Variants in ALCAM observed in about 807,000 individuals in gnomAD.
ALCAM encodes activated leukocyte cell adhesion molecule.
In ALCAM, 30 loss-of-function variants were observed where a neutral mutation model predicts 70.9. The observed-to-expected ratio is 0.42, with a 90% CI of 0.32 to 0.57. ALCAM has a LOEUF of 0.57. ALCAM is among the 20% of genes least tolerant of loss of function. The probability of loss-of-function intolerance (pLI) is 0.11; values close to 1 mark genes in which losing one functional copy is unlikely to be tolerated. For synonymous variants in ALCAM, 249 were observed against 242.5 expected (o/e 1.03, Z -0.25); for missense variants, 591 against 695.1 (o/e 0.85, Z 1.68).
In ALCAM at chr3:105,367,377, C is replaced by A. The variant is rs749904529; in HGVS notation, c.-32C>A. ...GACGCCCCCTCCTGCGGCGTGGACT[C>A]CGTCAGTGGCCCACCAAGAAGGAGG... On this transcript the variant is annotated 5_prime_UTR_variant, in exon 1 of 16. Coordinates refer to ENST00000306107, the MANE Select transcript of ALCAM (RefSeq NM_001627.4). The A allele has an allele frequency of 1.2e-6, 2 of 1,611,612 alleles. No homozygotes were observed. The highest frequency in any genetic ancestry group is 1.7e-6 in the Non-Finnish European group (2 of 1,178,256).
chr3:105,435,616 G>C (rs1937032242), intron 1 of ALCAM, among the ~76,000 whole-genome samples: 1 of 152,040 alleles, frequency 6.6e-6, no homozygotes, highest in Admixed American at 6.6e-5. Context: ...AAATTTATTG[G>C]GTCACATAAA....
intron 1 of ALCAM, among the ~76,000 whole-genome samples, chr3:105,383,181 A>T (rs1055320072): frequency 6.6e-6 from 1 of 151,620 alleles, no homozygotes; most frequent in Non-Finnish European, 1.5e-5. Flanking sequence ...TTCTTCCCTG[A>T]TCTCTCTAAG....
chr3:105,434,359 A>C (rs921052654), intron 1 of ALCAM, among the ~76,000 whole-genome samples: 1 of 152,132 alleles, frequency 6.6e-6, no homozygotes, highest in Admixed American at 6.5e-5. Flanking sequence ...ATAAGATTTC[A>C]TCCTGACTAA....
At chr3:105,465,986 T>C (rs1937720005) in intron 1 of ALCAM, among the ~76,000 whole-genome samples, 1 of 151,500 alleles carries the variant, frequency 6.6e-6, no homozygotes, top group Admixed American at 6.6e-5. Context: ...GGTTTCTAAA[T>C]TGTCATCTAC....
At chr3:105,464,150 A>G (rs964243428) in intron 1 of ALCAM, among the ~76,000 whole-genome samples, 7 of 151,348 alleles carry the variant, frequency 4.6e-5, no homozygotes, top group African/African-American at 1.7e-4. Flanking sequence ...GTCCGACTAT[A>G]TTATTAGATA....
At chr3:105,539,077 A>G (rs1009096452) in intron 6 of ALCAM, among the ~76,000 whole-genome samples, 3 of 152,252 alleles carry the variant, frequency 2.0e-5, no homozygotes, top group South Asian at 2.1e-4. Context: ...TTGGAAATAT[A>G]TACACATGCC....
intron 1 of ALCAM, among the ~76,000 whole-genome samples, chr3:105,421,124 T>A (rs952478384): frequency 2.6e-5 from 4 of 151,498 alleles, no homozygotes; most frequent in Admixed American, 1.3e-4. Flanking sequence ...ACTACTTTTT[T>A]AATAGTAGTA....
chr3:105,374,510 T>TTTTTTG (rs1360905507), intron 1 of ALCAM, among the ~76,000 whole-genome samples: 1 of 152,104 alleles, frequency 6.6e-6, no homozygotes, highest in Non-Finnish European at 1.5e-5. Context: ...GTGATGCTTG[T>TTTTTTG]TTTTTGTTTT....
intron 15 of ALCAM, 139 bp from the exon 16 acceptor site, chr3:105,574,338 T>C (rs1318178022): frequency 6.6e-6 from 1 of 152,160 alleles, no homozygotes; most frequent in Non-Finnish European, 1.5e-5. Flanking sequence ...AGATTATAGA[T>C]GGGCTTGGGG....
At chr3:105,447,721 A>G (rs1295503618) in intron 1 of ALCAM, among the ~76,000 whole-genome samples, 6 of 152,246 alleles carry the variant, frequency 3.9e-5, no homozygotes, top group Admixed American at 2.0e-4. Flanking sequence ...CAAATTAAAA[A>G]GGTGCGGGAA....
chr3:105,367,783 A>G (rs1935105441), intron 1 of ALCAM, among the ~76,000 whole-genome samples: 1 of 152,208 alleles, frequency 6.6e-6, no homozygotes, highest in South Asian at 2.1e-4. Context: ...GCTCCCAGCT[A>G]GGCGGCGGAC....
chr3:105,400,009 G>T (rs1310284645), intron 1 of ALCAM, among the ~76,000 whole-genome samples: 1 of 152,100 alleles, frequency 6.6e-6, no homozygotes, highest in African/African-American at 2.4e-5. Context: ...TCACTGACTT[G>T]TTAATACCTT....
intron 1 of ALCAM, among the ~76,000 whole-genome samples, chr3:105,490,457 C>G (rs898750831): frequency 6.6e-6 from 1 of 152,104 alleles, no homozygotes; most frequent in Admixed American, 6.6e-5. Flanking sequence ...TTCTTTCTTT[C>G]TTAAGTACAC....
Position 105,533,614 on chromosome 3 carries a change from C to T in ALCAM, c.471C>T (p.Cys157=). The T allele has an allele frequency of 6.2e-7, 1 of 1,611,214 alleles. No homozygotes were observed. The highest frequency in any genetic ancestry group is 1.3e-5 in the African/African-American group (1 of 74,914). The change falls in exon 5 of 16, where the codon TGC becomes TGT. Residue 157 remains cysteine (C), a synonymous_variant. Transcript: ENST00000306107. ...TTTTTATTTTGCAGTTGGGTGACTG[C>T]ATTTCAGAAGACAGTTATCCAGATG... ...ETEQLKKLGD[C]ISEDSYPDGN... is the part of the protein sequence containing the mutation.
At chr3:105,510,999 A>G (rs1248468370) in intron 1 of ALCAM, among the ~76,000 whole-genome samples, 1 of 152,036 alleles carries the variant, frequency 6.6e-6, no homozygotes, top group Non-Finnish European at 1.5e-5. Context: ...AGAAATGATA[A>G]AACTACCTTT....
chr3:105,405,146 A>G (rs1026567844), intron 1 of ALCAM, among the ~76,000 whole-genome samples: 2 of 151,920 alleles, frequency 1.3e-5, no homozygotes, highest in Non-Finnish European at 2.9e-5. Flanking sequence ...GCGTGGTGGC[A>G]CATGCCTGTA....
At chr3:105,376,865 G>A (rs1007178322) in intron 1 of ALCAM, among the ~76,000 whole-genome samples, 26 of 152,152 alleles carry the variant, frequency 1.7e-4, no homozygotes, top group African/African-American at 6.3e-4. Context: ...TCCTGGAGGT[G>A]AAAATGTGCC....
chr3:105,513,075 C>A (rs1353118731), intron 1 of ALCAM, among the ~76,000 whole-genome samples: 1 of 151,040 alleles, frequency 6.6e-6, no homozygotes, highest in Non-Finnish European at 1.5e-5. Flanking sequence ...TTCTTTCTGC[C>A]TATCCCCCCC....
At chr3:105,492,143 G>A (rs750648866) in intron 1 of ALCAM, among the ~76,000 whole-genome samples, 3 of 152,250 alleles carry the variant, frequency 2.0e-5, no homozygotes, top group Non-Finnish European at 2.9e-5. Context: ...GCAGCGAGAA[G>A]AATAAGAGCT....
Sources: allele counts gnomAD v4.1 joint callset (sites outside exome capture counted in the v4.1 genomes callset), GRCh38; gene constraint gnomAD v4.1.1; transcripts MANE v1.5; gene names NCBI Gene and HGNC (gene_info 2026-07-23, HGNC 2026-07-21).